SV2A: variants seen among roughly 807,000 people sequenced by gnomAD.
SV2A encodes solute carrier family 22 member B1.
Under a neutral mutation model 78.0 loss-of-function variants are expected in SV2A, and 25 were observed. The observed-to-expected ratio is 0.32, with a 90% CI of 0.23 to 0.45. The LOEUF (loss-of-function observed/expected upper bound fraction) is 0.45, where lower values mean the gene tolerates loss of function less well. Among genes scored for constraint, SV2A ranks in the 20% least tolerant of loss-of-function variants. The pLI is 1.00. For synonymous variants in SV2A, 355 were observed against 384.7 expected, an observed-to-expected ratio of 0.92 and a Z score of 0.90; for missense variants, 752 against 971.5, an observed-to-expected ratio of 0.77 and a Z score of 3.00.
intron 11 of SV2A, among the ~76,000 whole-genome samples, chr1:149,906,255 C>T (rs1427689837): frequency 2.6e-5 from 4 of 152,188 alleles, no homozygotes; most frequent in Non-Finnish European, 4.4e-5. Context: ...TATTCAATGC[C>T]AGCCATGGGC....
chr1:149,905,830 C>A, intron 12 of SV2A, 50 bp downstream of exon 12: 2 of 1,602,516 alleles, frequency 1.2e-6, no homozygotes, highest in Admixed American at 1.7e-5. Context: ...CCTTCCTCAC[C>A]CCACCCCTCC....
intron 2 of SV2A, 80 bp downstream of exon 2, chr1:149,913,139 G>A (rs1156856582): frequency 1.9e-6 from 3 of 1,542,834 alleles, no homozygotes; most frequent in Non-Finnish European, 2.6e-6. Context: ...GGAACCCAGT[G>A]GTAAGGACAA....
chr1:149,911,641 G>A (rs2092476081), intron 3 of SV2A, among the ~76,000 whole-genome samples, 159 bp downstream of exon 3: 1 of 152,142 alleles, frequency 6.6e-6, no homozygotes, highest in Non-Finnish European at 1.5e-5. Context: ...GGAGGAGCTG[G>A]CCTGAAGATG....
In SV2A at chr1:149,904,904, G is replaced by A. The variant is rs1034506646; in HGVS notation, c.*110C>T. The A allele has an allele frequency of 4.6e-5, 56 of 1,221,562 alleles. No individual in the cohort carries two copies. Among genetic ancestry groups the A allele is most frequent in the Non-Finnish European group, 5.9e-5 (52 of 880,614 alleles). The allele number at this position is 1,221,562 out of a possible 1,614,324, so 75.7% of individuals were successfully genotyped here. On this transcript the variant is annotated 3_prime_UTR_variant, in exon 13 of 13. Coordinates refer to ENST00000369146, the MANE Select transcript of SV2A (RefSeq NM_014849.5). ...ACACACAGCTAAGACACCAAACACGGGGAGTGGGGAGTGAGGGCTCTGGAG... is the reference window on the plus strand; with the variant it reads ...ACACACAGCTAAGACACCAAACACGAGGAGTGGGGAGTGAGGGCTCTGGAG...
intron 10 of SV2A, 50 bp from the exon 11 acceptor site, chr1:149,906,906 G>A (rs2092442234): frequency 6.2e-7 from 1 of 1,606,536 alleles, no homozygotes; most frequent in Non-Finnish European, 8.5e-7. Context: ...ATGGGAGAGG[G>A]AGGCTGTTAC....
rs184486395 is a variant in SV2A at position 149,904,284 on chromosome 1, T to G, written c.*730A>C. On this transcript the variant is annotated 3_prime_UTR_variant, in exon 13 of 13. Coordinates refer to ENST00000369146, the MANE Select transcript of SV2A (RefSeq NM_014849.5). ...GGGTTGTGTGTGCATCCGCTGAAATTACCCTTGGCTTATATTTGAGGACAG... is the reference window on the plus strand; with the variant it reads ...GGGTTGTGTGTGCATCCGCTGAAATGACCCTTGGCTTATATTTGAGGACAG... 6.5e-6 allele frequency: 1 copy of G among 152,818 alleles called. No homozygotes were observed. The highest frequency in any genetic ancestry group is 6.5e-5 in the Admixed American group (1 of 15,306). The allele number at this position is 152,818 out of a possible 1,614,324, so 9.5% of individuals were successfully genotyped here.
In SV2A at chr1:149,912,977, T is replaced by A. The variant is rs1308255805; in HGVS notation, c.622+242A>T. Among the ~76,000 whole-genome samples the A allele has an allele frequency of 2.0e-5, 3 of 151,952 alleles. No homozygotes were observed. The East Asian group carries it at 5.8e-4, about 29-fold the overall frequency. ...ATGAAGCAGACCACCACCCAACCAC[T>A]GGCCCAAGCCCCAGTCCAGCTGCCC... is the stretch of plus-strand genomic sequence containing the variant. On this transcript the variant is annotated intron_variant, in intron 2 of 12. Transcript: ENST00000369146.
At position 149,908,020 on chromosome 1, in the gene SV2A, A is replaced by T; in HGVS notation, c.1544+22T>A. The stretch of plus-strand genomic sequence containing the variant: ...AGGTAGAAGGAACAGGGAAGAAGTG[A>T]AGTTTAAAAGTCCCCACATACTTGT... On this transcript the variant is annotated intron_variant, in intron 9 of 12. Coordinates refer to ENST00000369146, the MANE Select transcript of SV2A (RefSeq NM_014849.5). 2.5e-6 allele frequency: 4 copies of T among 1,610,290 alleles called. No individual in the cohort carries two copies. The East Asian group carries it at 8.9e-5, about 36-fold the overall frequency.
At position 149,913,994 on chromosome 1, in the gene SV2A, A is replaced by G. The variant is rs1187049302; in HGVS notation, c.-154T>C. On this transcript the variant is annotated 5_prime_UTR_variant, in exon 2 of 13. Transcript: ENST00000369146. ...TCTGGGCACAAAAAAAAGAGCAAAC[A>G]GGTCCTAGCCAATGAGTGCCTAGGA... is the stretch of plus-strand genomic sequence containing the variant. 62 of 1,204,100 alleles carry G rather than the reference A, an allele frequency of 5.1e-5. 1 individual carries two copies. The highest frequency in any genetic ancestry group is 6.8e-5 in the Non-Finnish European group (60 of 884,244). 74.6% of individuals were successfully genotyped at this position (1,204,100 alleles called of 1,614,324 possible). A position where few individuals can be genotyped will look rare whatever the true frequency, so the allele number is the denominator to read the frequency against.
Position 149,905,880 on chromosome 1 carries a change from C to T in SV2A, c.2045G>A (p.Arg682Lys), listed in dbSNP as rs782666395. ...LTVELYPSDK[R>K]TTAFGFLNAL... is the part of the protein sequence containing the mutation. ...CCTGCCTCCAACACATTCCAACTACCTCTTGTCTGAGGGGTAGAGTTCAAC... is the reference window on the plus strand; with the variant it reads ...CCTGCCTCCAACACATTCCAACTACTTCTTGTCTGAGGGGTAGAGTTCAAC... The change falls in exon 12 of 13, where the codon AGG becomes AAG. Residue 682 changes from arginine (R) to lysine (K), a missense_variant and splice_region_variant. Transcript: ENST00000369146. 1 of 1,614,108 alleles carries T rather than the reference C, an allele frequency of 6.2e-7. No homozygotes were observed. The highest frequency in any genetic ancestry group is 2.2e-5 in the East Asian group (1 of 44,882).
At position 149,903,608 on chromosome 1, in the gene SV2A, C is replaced by T. The variant is rs1375178455; in HGVS notation, c.*1406G>A. The T allele has an allele frequency of 2.0e-5, 3 of 152,312 alleles. No individual in the cohort carries two copies. Among genetic ancestry groups the T allele is most frequent in the Admixed American group, 6.5e-5 (1 of 15,300 alleles). The allele number at this position is 152,312 out of a possible 1,614,324, so 9.4% of individuals were successfully genotyped here. A position where few individuals can be genotyped will look rare whatever the true frequency, so the allele number is the denominator to read the frequency against. On this transcript the variant is annotated 3_prime_UTR_variant, in exon 13 of 13. Coordinates refer to ENST00000369146, the MANE Select transcript of SV2A (RefSeq NM_014849.5). ...AGTGTTACAAAATGGGGAGAGTGAC[C>T]ACAGGGTTGGGGCACTGGACGCAGC...
chr1:149,904,850 G>A lies in SV2A; in HGVS notation c.*164C>T. On this transcript the variant is annotated 3_prime_UTR_variant, in exon 13 of 13. Coordinates refer to ENST00000369146, the MANE Select transcript of SV2A (RefSeq NM_014849.5). ...AGCCTTCCCTGTAGTCCCTGCCCAC[G>A]GGGTTTACACACATGCACACGCACA... 5.5e-6 allele frequency: 4 copies of A among 723,832 alleles called. No individual in the cohort carries two copies. The highest frequency in any genetic ancestry group is 8.8e-6 in the Non-Finnish European group (4 of 452,214). 44.8% of individuals were successfully genotyped at this position (723,832 alleles called of 1,614,324 possible).
In SV2A at chr1:149,910,580, A is replaced by C. The variant is rs782382730; in HGVS notation, c.1079T>G (p.Phe360Cys). Residue 360 changes from phenylalanine (F) to cysteine (C), a missense_variant, in exon 5 of 13, where the codon TTC (phenylalanine) becomes TGC (cysteine). Phe to Cys is a radical substitution (Grantham distance 205). Around this residue, in one of 7 missense-constraint regions of SV2A, gnomAD observed 136 missense variants for 132.3 expected, o/e 1.03. Coordinates refer to ENST00000369146, the MANE Select transcript of SV2A (RefSeq NM_014849.5). The surrounding 1 kb of genome is among the most constrained non-coding windows in gnomAD (Gnocchi z 4.2). ...GCTCAGCCCCATCACCTCTAGGAAG[A>C]AACGGGGGCTCTCAGGCTGCGTGGT... ...ALTTQPESPR[F>C]FLENGKHDEA... 1 of 1,609,510 alleles carries C rather than the reference A, an allele frequency of 6.2e-7. No individual in the cohort carries two copies. Among genetic ancestry groups the C allele is most frequent in the Non-Finnish European group, 8.5e-7 (1 of 1,177,938 alleles).
At chr1:149,908,687 G>T (rs1201028202) in intron 8 of SV2A, among the ~76,000 whole-genome samples, 1 of 152,096 alleles carries the variant, frequency 6.6e-6, no homozygotes, top group Non-Finnish European at 1.5e-5. Flanking sequence ...ACCCAGGCTG[G>T]AGTGCAGTGG....
Position 149,910,491 on chromosome 1 carries a change from T to C in SV2A, c.1089+79A>G. 2 of 1,464,888 alleles carry C rather than the reference T, an allele frequency of 1.4e-6. No individual in the cohort carries two copies. Among genetic ancestry groups the C allele is most frequent in the African/African-American group, 1.4e-5 (1 of 70,328 alleles). The allele number at this position is 1,464,888 out of a possible 1,614,324, so 90.7% of individuals were successfully genotyped here. On this transcript the variant is annotated intron_variant, in intron 5 of 12. Coordinates refer to ENST00000369146, the MANE Select transcript of SV2A (RefSeq NM_014849.5). The surrounding 1 kb of genome is among the most constrained non-coding windows in gnomAD (Gnocchi z 4.2). ...GATCAAATCAAACTCCAGTTGGTGT[T>C]TGAACACAGAAGCCCCTGCTGCCGT...
rs1292735909 is a variant in SV2A at position 149,914,040 on chromosome 1, C to T, written c.-200G>A. On this transcript the variant is annotated 5_prime_UTR_variant, in exon 2 of 13. Coordinates refer to ENST00000369146, the MANE Select transcript of SV2A (RefSeq NM_014849.5). ...TAGGAAGGAAAAGGAAGGAGAGGAG[C>T]TTTGACCTATACCCAGTTCAGTTGG... 1 of 758,380 alleles carries T rather than the reference C, an allele frequency of 1.3e-6. No homozygotes were observed. The highest frequency in any genetic ancestry group is 2.0e-6 in the Non-Finnish European group (1 of 492,658). 47.0% of individuals were successfully genotyped at this position (758,380 alleles called of 1,614,324 possible). A position where few individuals can be genotyped will look rare whatever the true frequency, so the allele number is the denominator to read the frequency against.
chr1:149,909,733 A>G, intron 6 of SV2A, 68 bp downstream of exon 6: 3 of 1,562,282 alleles, frequency 1.9e-6, no homozygotes, highest in Non-Finnish European at 2.6e-6. Flanking sequence ...GGGGGTACTC[A>G]GAGAGGGGCC....
At chr1:149,914,865 T>C (rs782695338) in intron 1 of SV2A, among the ~76,000 whole-genome samples, 3 of 152,254 alleles carry the variant, frequency 2.0e-5, no homozygotes, top group Non-Finnish European at 4.4e-5. Context: ...ATAAGTCACC[T>C]GGCACATAAA....
Position 149,913,584 on chromosome 1 carries a change from C to T in SV2A, c.257G>A (p.Gly86Asp). The change falls in exon 2 of 13, where the codon GGC becomes GAC. Residue 86 changes from glycine (G) to aspartate (D), a missense_variant. Gly to Asp is a moderately conservative substitution (Grantham distance 94). Around this residue, in one of 7 missense-constraint regions of SV2A, gnomAD observed 291 missense variants for 359.5 expected, o/e 0.81. Coordinates refer to ENST00000369146, the MANE Select transcript of SV2A (RefSeq NM_014849.5). ...EGGASSDATE[G>D]HDEDDEIYEG... is the part of the protein sequence containing the mutation. ...ATAGATCTCATCATCCTCGTCATGG[C>T]CCTCAGTAGCATCACTGGATGCACC... is the stretch of plus-strand genomic sequence containing the variant. 1 of 1,614,086 alleles carries T rather than the reference C, an allele frequency of 6.2e-7. No individual in the cohort carries two copies. Among genetic ancestry groups the T allele is most frequent in the Non-Finnish European group, 8.5e-7 (1 of 1,180,018 alleles).
Sources: allele counts gnomAD v4.1 joint callset (sites outside exome capture counted in the v4.1 genomes callset), GRCh38; gene constraint gnomAD v4.1.1; regional missense constraint gnomAD v4.1.1; non-coding constraint Gnocchi (gnomAD v3.1); transcripts MANE v1.5; gene names NCBI Gene and HGNC (gene_info 2026-07-23, HGNC 2026-07-21).